The following MSANTD2 variants were observed in gnomAD, a reference collection of about 807,000 sequenced individuals.
MSANTD2 encodes Myb/SANT DNA binding domain containing 2.
MSANTD2 carries 19 observed loss-of-function variants against 52.6 expected under a neutral mutation model. The observed-to-expected ratio is 0.36, with a 90% CI of 0.25 to 0.53. The LOEUF is 0.53. Ranked by LOEUF, MSANTD2 falls within the 20% of genes least tolerant of loss-of-function variation. The pLI, the probability that MSANTD2 is intolerant of heterozygous loss-of-function variation, is 0.91. For missense variants in MSANTD2, 558 were observed against 716.3 expected (o/e 0.78, Z 2.52); for synonymous variants, 291 against 289.7 (o/e 1.00, Z -0.04).
chr11:124,783,998 C>T, intron 1 of MSANTD2: 1 of 985,338 alleles, frequency 1.0e-6, no homozygotes, highest in Non-Finnish European at 1.2e-6. Context: ...TCCTTCAAGA[C>T]AAGGAATTCT....
At chr11:124,788,710 AT>A (rs1410759985) in intron 1 of MSANTD2, among the ~76,000 whole-genome samples, 1 of 152,162 alleles carries the variant, frequency 6.6e-6, no homozygotes, top group Non-Finnish European at 1.5e-5. Flanking sequence ...TCATGAACTG[AT>A]GGTTGATGAG....
Position 124,800,174 on chromosome 11 carries a change from C to T in MSANTD2, c.207G>A (p.Gly69=). The change falls in exon 1 of 4, where the codon GGG becomes GGA. Residue 69 remains glycine, a synonymous_variant. Coordinates refer to ENST00000374979, the MANE Select transcript of MSANTD2 (RefSeq NM_001308027.2). This position sits in a 1 kb window ranked among gnomAD's most constrained non-coding sequence, Gnocchi z 4.3. Reference sequence around the variant, plus strand: ...ACGAGGCGGCGCTGCGGCCCCCCAGCCCCAGCCCGAGACCCCCGGACGCCG... The same window carrying T: ...ACGAGGCGGCGCTGCGGCCCCCCAGTCCCAGCCCGAGACCCCCGGACGCCG... The part of the protein sequence containing the change: ...GAAASGGLGL[G]LGGRSAASSS... 6.8e-7 allele frequency: 1 copy of T among 1,471,248 alleles called. No homozygotes were observed. Among genetic ancestry groups the T allele is most frequent in the South Asian group, 1.3e-5 (1 of 75,518 alleles). 91.1% of individuals were successfully genotyped at this position (1,471,248 alleles called of 1,614,324 possible).
intron 2 of MSANTD2, 31 bp from the exon 3 acceptor site, chr11:124,773,085 A>G (rs757315209): frequency 1.5e-6 from 2 of 1,356,672 alleles, no homozygotes; most frequent in Non-Finnish European, 2.1e-6. Context: ...AAAAAGTTAT[A>G]CTTTCCTAAG....
In MSANTD2 at chr11:124,767,947, G is replaced by C; in HGVS notation, c.909C>G (p.Asp303Glu). Residue 303 changes from aspartate to glutamate, a missense_variant, in exon 4 of 4, where the codon GAC becomes GAG. This residue lies in a region of MSANTD2 where 408 missense variants were observed against 573.6 expected (regional missense o/e 0.71). Coordinates refer to ENST00000374979, the MANE Select transcript of MSANTD2 (RefSeq NM_001308027.2). The surrounding 1 kb of genome is among the most constrained non-coding windows in gnomAD (Gnocchi z 6.5). ...TATTAGAAAGATGGAGCCTTGAAAA[G>C]TCTGTCCAGCTCTGAAAAAGTTCCC... ...LKWELFQSWT[D>E]FSRLHLSNKL... The C allele has an allele frequency of 6.2e-7, 1 of 1,614,184 alleles. No individual in the cohort carries two copies. The highest frequency in any genetic ancestry group is 1.7e-5 in the Admixed American group (1 of 60,026).
chr11:124,799,590 A>G (rs1330944651), intron 1 of MSANTD2, among the ~76,000 whole-genome samples: 5 of 149,748 alleles, frequency 3.3e-5, no homozygotes, highest in African/African-American at 1.2e-4. Context: ...ACGGCGCACA[A>G]TGAGAAACTA....
chr11:124,783,748 G>A (rs1397782694), intron 1 of MSANTD2: 8 of 985,094 alleles, frequency 8.1e-6, no homozygotes, highest in South Asian at 9.4e-5. Context: ...TAGCAGCTGA[G>A]GGTCGTGCCC....
chr11:124,795,846 T>A (rs544647962), intron 1 of MSANTD2, among the ~76,000 whole-genome samples: 35 of 152,274 alleles, frequency 2.3e-4, no homozygotes, highest in African/African-American at 8.2e-4. Context: ...ACTACCTAGA[T>A]TTGTGTATCT....
In MSANTD2 at chr11:124,767,842, C is replaced by T; in HGVS notation, c.1014G>A (p.Gln338=). The part of the protein sequence containing the change: ...IRYHYAEISS[Q]VPLGKRLREY... ...CCCGAAGTCGCTTGCCAAGGGGCAC[C>T]TGGGAGCTGATCTCAGCATAATGGT... The change falls in exon 4 of 4, where the codon CAG becomes CAA. Residue 338 remains glutamine (Q), a synonymous_variant. Coordinates refer to ENST00000374979, the MANE Select transcript of MSANTD2 (RefSeq NM_001308027.2). This position sits in a 1 kb window ranked among gnomAD's most constrained non-coding sequence, Gnocchi z 6.5. 1.9e-6 allele frequency: 3 copies of T among 1,614,240 alleles called. No homozygotes were observed. The highest frequency in any genetic ancestry group is 2.5e-6 in the Non-Finnish European group (3 of 1,180,044).
At chr11:124,783,831 C>G in intron 1 of MSANTD2, 1 of 985,348 alleles carries the variant, frequency 1.0e-6, no homozygotes, top group Non-Finnish European at 1.2e-6. Context: ...TTCCATGGCT[C>G]AAGGAACTCA....
At chr11:124,783,528 G>A (rs1263922498) in intron 1 of MSANTD2, among the ~76,000 whole-genome samples, 1 of 152,164 alleles carries the variant, frequency 6.6e-6, no homozygotes, top group African/African-American at 2.4e-5. Flanking sequence ...GCTGAGGCAT[G>A]AGAATTGCTT....
intron 1 of MSANTD2, chr11:124,791,238 G>A: frequency 7.0e-7 from 1 of 1,424,972 alleles, no homozygotes; most frequent in African/African-American, 1.4e-5. Context: ...CCATCAATGG[G>A]GTCACAACAA....
At chr11:124,769,439 G>C (rs1449568654) in intron 3 of MSANTD2, among the ~76,000 whole-genome samples, 2 of 152,168 alleles carry the variant, frequency 1.3e-5, no homozygotes, top group African/African-American at 2.4e-5. Flanking sequence ...TCAATTTTAT[G>C]ATGTCTGATT....
At chr11:124,773,317 GC>G in intron 2 of MSANTD2, 1 of 276,666 alleles carries the variant, frequency 3.6e-6, no homozygotes, top group South Asian at 8.2e-5. Context: ...GGAGCTTAAA[GC>G]TTAATTTCAC....
At position 124,766,924 on chromosome 11, in the gene MSANTD2, TA is replaced by T; in HGVS notation, c.*251del. On this transcript the variant is annotated 3_prime_UTR_variant, in exon 4 of 4. Transcript: ENST00000374979. ...CATTTAAAAATTGTTTTTCTGTTTT[TA>T]AAAAAGAAATAGCTGACCCACCATG... is the stretch of plus-strand genomic sequence containing the variant. 1 of 353,824 alleles carries T rather than the reference TA, an allele frequency of 2.8e-6. No individual in the cohort carries two copies. Among genetic ancestry groups the T allele is most frequent in the Non-Finnish European group, 5.1e-6 (1 of 198,014 alleles). 21.9% of individuals were successfully genotyped at this position (353,824 alleles called of 1,614,324 possible). A position where few individuals can be genotyped will look rare whatever the true frequency, so the allele number is the denominator to read the frequency against.
chr11:124,794,248 C>A (rs1026625722), intron 1 of MSANTD2, among the ~76,000 whole-genome samples: 1 of 152,348 alleles, frequency 6.6e-6, no homozygotes, highest in African/African-American at 2.4e-5. Context: ...CTCCACCCTT[C>A]ACTGTATTTC....
In MSANTD2 at chr11:124,784,442, C is replaced by T. The variant is rs554818146; in HGVS notation, c.511-9468G>A. 8.2e-5 allele frequency: 81 copies of T among 985,152 alleles called. No individual in the cohort carries two copies. In the East Asian group the frequency reaches 2.8e-3, roughly 35 times the overall value. 61.0% of individuals were successfully genotyped at this position (985,152 alleles called of 1,614,324 possible). A position where few individuals can be genotyped will look rare whatever the true frequency, so the allele number is the denominator to read the frequency against. ...AAGTACTCCCAAACACCCTCCACTACGAACTAATTATTCCATGGACAACCA... is the reference window on the plus strand; with the variant it reads ...AAGTACTCCCAAACACCCTCCACTATGAACTAATTATTCCATGGACAACCA... On this transcript the variant is annotated intron_variant, in intron 1 of 3. Transcript: ENST00000374979.
intron 1 of MSANTD2, chr11:124,783,663 T>A (rs1945061468): frequency 1.1e-6 from 1 of 901,824 alleles, no homozygotes; most frequent in Non-Finnish European, 1.3e-6. Flanking sequence ...AACAAAACTT[T>A]AAAAAAATAT....
intron 3 of MSANTD2, among the ~76,000 whole-genome samples, chr11:124,771,923 A>G (rs1944538296): frequency 6.6e-6 from 1 of 152,182 alleles, no homozygotes; most frequent in African/African-American, 2.4e-5. Flanking sequence ...AAAAAAAATG[A>G]ATGGCGTTCC....
At chr11:124,771,507 C>T (rs1340296407) in intron 3 of MSANTD2, among the ~76,000 whole-genome samples, 3 of 152,210 alleles carry the variant, frequency 2.0e-5, no homozygotes, top group Non-Finnish European at 4.4e-5. Context: ...CTGTGGCTCA[C>T]GCCTGTAATC....
Sources: allele counts gnomAD v4.1 joint callset (sites outside exome capture counted in the v4.1 genomes callset), GRCh38; gene constraint gnomAD v4.1.1; regional missense constraint gnomAD v4.1.1; non-coding constraint Gnocchi (gnomAD v3.1); transcripts MANE v1.5; gene names NCBI Gene and HGNC (gene_info 2026-07-23, HGNC 2026-07-21).